Variants in AKAP12 observed in about 807,000 individuals in gnomAD.
AKAP12 encodes the protein A-kinase anchoring protein 12.
AKAP12 carries 32 observed loss-of-function variants against 79.9 expected under a neutral mutation model. That is an observed-to-expected ratio of 0.40 (90% CI 0.30 to 0.54). The LOEUF is 0.54. Among genes scored for constraint, AKAP12 ranks in the 20% least tolerant of loss-of-function variants. The pLI, the probability that AKAP12 is intolerant of heterozygous loss-of-function variation, is 0.48. For missense variants in AKAP12, 2,074 were observed against 2,177.0 expected, an observed-to-expected ratio of 0.95 and a Z score of 0.94; for synonymous variants, 808 against 857.0, an observed-to-expected ratio of 0.94 and a Z score of 1.00.
intron 2 of AKAP12, among the ~76,000 whole-genome samples, chr6:151,267,278 T>TA (rs1468639868): frequency 3.9e-5 from 6 of 152,200 alleles, no homozygotes; most frequent in Non-Finnish European, 7.3e-5. Flanking sequence ...AGGTGGTTAA[T>TA]ATAGAGCATT....
chr6:151,246,352 A>T (rs1582829518), intron 2 of AKAP12, among the ~76,000 whole-genome samples: 1 of 152,112 alleles, frequency 6.6e-6, no homozygotes, highest in South Asian at 2.1e-4. Context: ...TGGGAGGGGG[A>T]GGTTGCAGTG....
chr6:151,337,429 C>T (rs556920077), intron 3 of AKAP12, among the ~76,000 whole-genome samples: 18 of 150,164 alleles, frequency 1.2e-4, no homozygotes, highest in Non-Finnish European at 2.2e-4. Flanking sequence ...ACAGAAGAAT[C>T]GCTTGAACCC....
In AKAP12 at chr6:151,357,410, A is replaced by C. The variant is rs1778469834; in HGVS notation, c.*1696A>C. ...CCTGGCATATAGCTTTCCAGATTTT[A>C]CTCAAACTTGGTACTCCAGTTTGAA... On this transcript the variant is annotated 3_prime_UTR_variant, in exon 5 of 5. Transcript: ENST00000402676. The C allele has an allele frequency of 1.3e-5, 2 of 152,178 alleles. No individual in the cohort carries two copies. Among genetic ancestry groups the C allele is most frequent in the South Asian group, 4.1e-4 (2 of 4,832 alleles). 9.4% of individuals were successfully genotyped at this position (152,178 alleles called of 1,614,324 possible). A position where few individuals can be genotyped will look rare whatever the true frequency, so the allele number is the denominator to read the frequency against.
intron 2 of AKAP12, among the ~76,000 whole-genome samples, chr6:151,280,200 A>G (rs535816525): frequency 1.2e-4 from 19 of 152,130 alleles, no homozygotes; most frequent in East Asian, 1.9e-4. Context: ...ATTTTTAACC[A>G]GTCTCTTTAC....
chr6:151,308,209 ATTG>A (rs1261632510), intron 3 of AKAP12, among the ~76,000 whole-genome samples: 1 of 150,234 alleles, frequency 6.7e-6, no homozygotes, highest in Non-Finnish European at 1.5e-5. Flanking sequence ...ATTTTTTGTT[ATTG>A]TTGTTGTTTG....
chr6:151,249,467 C>T (rs1441514951), intron 2 of AKAP12, among the ~76,000 whole-genome samples: 1 of 152,202 alleles, frequency 6.6e-6, no homozygotes, highest in African/African-American at 2.4e-5. Context: ...GGTGAGCCAC[C>T]TACGCCTGGC....
chr6:151,258,274 A>G (rs1582837479), intron 2 of AKAP12, among the ~76,000 whole-genome samples: 1 of 152,222 alleles, frequency 6.6e-6, no homozygotes, highest in East Asian at 1.9e-4. Flanking sequence ...TCCTCTGGCA[A>G]ATACAAGTAA....
At chr6:151,323,703 T>C in intron 3 of AKAP12, 4 of 985,338 alleles carry the variant, frequency 4.1e-6, no homozygotes, top group Non-Finnish European at 4.8e-6. Context: ...TTTTGTGTGT[T>C]TTTCTTTTTC....
At chr6:151,241,545 G>A (rs1796976549) in intron 2 of AKAP12, among the ~76,000 whole-genome samples, 1 of 152,154 alleles carries the variant, frequency 6.6e-6, no homozygotes, top group Non-Finnish European at 1.5e-5. Context: ...GCATTTTATC[G>A]GCTTCAGTCT....
intron 2 of AKAP12, among the ~76,000 whole-genome samples, chr6:151,281,923 C>T (rs1380253568): frequency 6.6e-6 from 1 of 152,004 alleles, no homozygotes; most frequent in East Asian, 1.9e-4. Context: ...TTGTCAAACA[C>T]CTGGCTTCAA....
intron 2 of AKAP12, among the ~76,000 whole-genome samples, chr6:151,259,579 C>CTTT (rs35514304): frequency 9.7e-6 from 1 of 102,832 alleles, no homozygotes; most frequent in Non-Finnish European, 1.8e-5. Context: ...CCTTTTTTTC[C>CTTT]TTTTTTTTTT....
chr6:151,333,489 G>A (rs1777733469), intron 3 of AKAP12, among the ~76,000 whole-genome samples: 5 of 152,156 alleles, frequency 3.3e-5, no homozygotes, highest in Admixed American at 3.3e-4. Context: ...AGTGGCTCAC[G>A]CCTGTAATCC....
Position 151,351,698 on chromosome 6 carries a change from A to T in AKAP12, c.3307A>T (p.Thr1103Ser). 6.2e-7 allele frequency: 1 copy of T among 1,614,158 alleles called. No homozygotes were observed. The highest frequency in any genetic ancestry group is 1.1e-5 in the South Asian group (1 of 91,080). Residue 1103 changes from threonine to serine, a missense_variant, in exon 4 of 5, where the codon ACT (threonine) becomes TCT (serine). By Grantham distance (58) the Thr-to-Ser change is moderately conservative. Coordinates refer to ENST00000402676, the MANE Select transcript of AKAP12 (RefSeq NM_005100.4). This position sits in a 1 kb window ranked among gnomAD's most constrained non-coding sequence, Gnocchi z 4.4. Reference protein sequence around the residue: ...VLKVDAQEAKTEPFTQGKVVG... With the variant: ...VLKVDAQEAKSEPFTQGKVVG... ...GAAAGTAGATGCTCAGGAGGCAAAA[A>T]CTGAGCCTTTTACACAAGGGAAGGT...
At chr6:151,246,093 A>G (rs1797070443) in intron 2 of AKAP12, among the ~76,000 whole-genome samples, 7 of 152,210 alleles carry the variant, frequency 4.6e-5, no homozygotes, top group Admixed American at 4.6e-4. Context: ...CCATAAGTGT[A>G]ATTGCTGAAT....
intron 2 of AKAP12, among the ~76,000 whole-genome samples, chr6:151,287,043 C>T (rs559607196): frequency 1.6e-3 from 248 of 151,606 alleles, no homozygotes; most frequent in Non-Finnish European, 2.6e-3. Flanking sequence ...GGGTTCACAC[C>T]ATTCTCCTGC....
intron 2 of AKAP12, among the ~76,000 whole-genome samples, chr6:151,275,041 C>T (rs1776264192): frequency 6.6e-6 from 1 of 152,048 alleles, no homozygotes; most frequent in Non-Finnish European, 1.5e-5. Context: ...GAGGTCGAGG[C>T]TGCAGTGAGC....
chr6:151,354,783 T>C (rs780481962), intron 4 of AKAP12, among the ~76,000 whole-genome samples: 2 of 152,138 alleles, frequency 1.3e-5, no homozygotes, highest in Non-Finnish European at 2.9e-5. Context: ...GCAAATCGCC[T>C]GCCTCTGCCT....
rs1354152320 is a variant in AKAP12 at position 151,305,723 on chromosome 6, TCTATGG to T, written c.163-21_163-16del. 1 of 1,593,802 alleles carries T rather than the reference TCTATGG, an allele frequency of 6.3e-7. No individual in the cohort carries two copies. Among genetic ancestry groups the T allele is most frequent in the South Asian group, 1.1e-5 (1 of 88,300 alleles). ...TGGTCATGAGGACTGAAATTAAGTT[TCTATGG>T]CTTTGTCTTTTCCATAGCTCCTACA... On this transcript the variant is annotated intron_variant, in intron 2 of 4. Coordinates refer to ENST00000402676, the MANE Select transcript of AKAP12 (RefSeq NM_005100.4).
chr6:151,276,845 G>T (rs1275256865), intron 2 of AKAP12, among the ~76,000 whole-genome samples: 1 of 152,166 alleles, frequency 6.6e-6, no homozygotes, highest in Non-Finnish European at 1.5e-5. Context: ...TGATTTATCT[G>T]TTTAGTAGTA....
Sources: allele counts gnomAD v4.1 joint callset (sites outside exome capture counted in the v4.1 genomes callset), GRCh38; gene constraint gnomAD v4.1.1; non-coding constraint Gnocchi (gnomAD v3.1); transcripts MANE v1.5; gene names NCBI Gene and HGNC (gene_info 2026-07-23, HGNC 2026-07-21).